TRHDE: variants seen among roughly 807,000 people sequenced by gnomAD.
TRHDE encodes thyrotropin releasing hormone degrading enzyme, also known as thyrotropin-releasing hormone-degrading ectoenzyme.
TRHDE carries 72 observed loss-of-function variants against 125.7 expected under a neutral mutation model. The ratio of observed to expected loss-of-function variants is 0.57; its 90% CI spans 0.47 to 0.70. The LOEUF is 0.70. Among genes scored for constraint, TRHDE ranks in the 30% least tolerant of loss-of-function variants. The probability of loss-of-function intolerance (pLI) is 0.00; values close to 1 mark genes in which losing one functional copy is unlikely to be tolerated. For synonymous variants in TRHDE, 509 were observed against 509.1 expected, an observed-to-expected ratio of 1.00 and a Z score of 0.00; for missense variants, 1,110 against 1,327.1, an observed-to-expected ratio of 0.84 and a Z score of 2.54.
intron 15 of TRHDE, among the ~76,000 whole-genome samples, chr12:72,644,445 AT>A (rs1045469405): frequency 7.3e-5 from 11 of 151,710 alleles, no homozygotes; most frequent in Admixed American, 1.3e-4. Flanking sequence ...GAGATGCCAT[AT>A]TTTTTTTTCC....
At chr12:72,572,848 G>A (rs909163453) in intron 10 of TRHDE, among the ~76,000 whole-genome samples, 8 of 151,838 alleles carry the variant, frequency 5.3e-5, no homozygotes, top group African/African-American at 1.9e-4. Flanking sequence ...CAAATCAAAT[G>A]GGGCTAAGTT....
intron 2 of TRHDE, among the ~76,000 whole-genome samples, chr12:72,305,551 G>A (rs74105314): frequency 0.025 from 3,772 of 152,244 alleles, 169 homozygotes; most frequent in African/African-American, 0.086. Flanking sequence ...ACAGGTTCTA[G>A]CATTTTCAAT....
chr12:72,425,452 G>T (rs756079412), intron 3 of TRHDE, among the ~76,000 whole-genome samples: 3 of 152,080 alleles, frequency 2.0e-5, no homozygotes, highest in Non-Finnish European at 2.9e-5. Context: ...TCATCTGTGT[G>T]TATGTCTGTT....
At chr12:72,168,713 A>AT (rs946789824) in intron 2 of TRHDE, among the ~76,000 whole-genome samples, 17 of 150,872 alleles carry the variant, frequency 1.1e-4, no homozygotes, top group Admixed American at 2.0e-4. Flanking sequence ...TATTAGTGAA[A>AT]TTTTTTTTTT....
intron 10 of TRHDE, among the ~76,000 whole-genome samples, chr12:72,572,239 C>T (rs1022051410): frequency 9.2e-5 from 14 of 151,978 alleles, no homozygotes; most frequent in South Asian, 2.1e-4. Flanking sequence ...TCTTTGCAAC[C>T]GGCAAATATT....
At chr12:72,480,031 A>C (rs1877091984) in intron 5 of TRHDE, among the ~76,000 whole-genome samples, 1 of 149,890 alleles carries the variant, frequency 6.7e-6, no homozygotes, top group African/African-American at 2.5e-5. Flanking sequence ...CATGGTGTAT[A>C]TGTGCCACAT....
chr12:72,364,730 G>A (rs768403969), intron 2 of TRHDE, among the ~76,000 whole-genome samples: 5 of 152,024 alleles, frequency 3.3e-5, no homozygotes, highest in Admixed American at 6.6e-5. Context: ...GATGGCATTC[G>A]TCAAAGTGAG....
At chr12:72,462,294 A>T (rs1291841328) in intron 3 of TRHDE, among the ~76,000 whole-genome samples, 1 of 152,190 alleles carries the variant, frequency 6.6e-6, no homozygotes, top group Non-Finnish European at 1.5e-5. Context: ...GGATTGGAAG[A>T]ATCAATAGGC....
At chr12:72,456,366 C>T (rs1875853628) in intron 3 of TRHDE, among the ~76,000 whole-genome samples, 1 of 152,010 alleles carries the variant, frequency 6.6e-6, no homozygotes, top group Non-Finnish European at 1.5e-5. Flanking sequence ...GCTCTTGGAC[C>T]TCTGTATTTT....
chr12:72,127,580 G>A (rs1234026202), intron 2 of TRHDE, among the ~76,000 whole-genome samples: 3 of 152,098 alleles, frequency 2.0e-5, no homozygotes, highest in Non-Finnish European at 4.4e-5. Context: ...AATTAACACA[G>A]AAACAGAAAA....
intron 2 of TRHDE, among the ~76,000 whole-genome samples, chr12:72,377,304 C>CTTTTTTTTTTTTT (rs200021223): frequency 4.6e-5 from 6 of 130,406 alleles, no homozygotes; most frequent in South Asian, 5.0e-4. Context: ...TTGCTTTAGG[C>CTTTTTTTTTTTTT]TTTTTTTTTT....
At chr12:72,574,808 A>T (rs1010034279) in intron 10 of TRHDE, among the ~76,000 whole-genome samples, 2 of 152,140 alleles carry the variant, frequency 1.3e-5, no homozygotes, top group African/African-American at 4.8e-5. Flanking sequence ...AAAAAGGCAA[A>T]CAACAGTGAC....
At chr12:72,141,684 A>G (rs553968070) in intron 2 of TRHDE, among the ~76,000 whole-genome samples, 2 of 152,370 alleles carry the variant, frequency 1.3e-5, no homozygotes, top group South Asian at 4.1e-4. Flanking sequence ...CTCATCTTTA[A>G]TGAGTTTACA....
At chr12:72,538,135 A>G (rs893835914) in intron 6 of TRHDE, among the ~76,000 whole-genome samples, 6 of 151,944 alleles carry the variant, frequency 3.9e-5, no homozygotes, top group Non-Finnish European at 7.4e-5. Flanking sequence ...TCCCATTTCT[A>G]CCAAAGAAAA....
At chr12:72,099,370 T>C (rs1455409428) in intron 1 of TRHDE, among the ~76,000 whole-genome samples, 2 of 152,168 alleles carry the variant, frequency 1.3e-5, no homozygotes, top group Non-Finnish European at 2.9e-5. Flanking sequence ...AGAATACTTG[T>C]TATATTGCAG....
Position 72,272,728 on chromosome 12 carries a change from G to GAGT in TRHDE, c.87_88insTAG (p.Glu29_Glu30insTer). The GAGT allele has an allele frequency of 6.9e-7, 1 of 1,457,070 alleles. No homozygotes were observed. Among genetic ancestry groups the GAGT allele is most frequent in the Non-Finnish European group, 9.1e-7 (1 of 1,098,842 alleles). The allele number at this position is 1,457,070 out of a possible 1,614,324, so 90.3% of individuals were successfully genotyped here. On this transcript the variant is annotated stop_gained and inframe_insertion, in exon 1 of 19. Coordinates refer to ENST00000261180, the MANE Select transcript of TRHDE (RefSeq NM_013381.3). LOFTEE classifies it high-confidence loss of function. This position sits in a 1 kb window ranked among gnomAD's most constrained non-coding sequence, Gnocchi z 6.7. ...GAAGAGGAAGAAGAAGAAGGAGGAG[G>GAGT]AGGAGGAGGAGGAGGGGGCCGAGAA...
At chr12:72,459,726 C>T (rs1215698662) in intron 3 of TRHDE, among the ~76,000 whole-genome samples, 1 of 152,050 alleles carries the variant, frequency 6.6e-6, no homozygotes, top group Non-Finnish European at 1.5e-5. Flanking sequence ...CTCAAGCAAT[C>T]CTCCAACCTC....
chr12:72,247,929 TATC>T (rs1423761564), intron 2 of TRHDE, among the ~76,000 whole-genome samples: 2 of 152,188 alleles, frequency 1.3e-5, no homozygotes, highest in African/African-American at 4.8e-5. Flanking sequence ...ATCTATTATC[TATC>T]ATCTATCTTT....
At chr12:72,572,975 T>C (rs1208362629) in intron 10 of TRHDE, among the ~76,000 whole-genome samples, 1 of 152,032 alleles carries the variant, frequency 6.6e-6, no homozygotes, top group African/African-American at 2.4e-5. Context: ...TATATTAAAC[T>C]TGGTGCTTTA....
Sources: gnomAD v4.1 joint callset for allele counts (sites outside exome capture counted in the v4.1 genomes callset) on GRCh38, gnomAD v4.1.1 for gene constraint, Gnocchi (gnomAD v3.1) non-coding constraint, MANE v1.5 for transcripts, NCBI Gene and HGNC (gene_info 2026-07-23, HGNC 2026-07-21) for gene names.